Variants in ACVR2B observed in about 807,000 individuals in gnomAD.
ACVR2B encodes the protein activin A receptor type 2B.
A neutral mutation model predicts 65.1 loss-of-function variants in ACVR2B; 18 were observed. That is an observed-to-expected ratio of 0.28 (90% CI 0.19 to 0.41). ACVR2B has a LOEUF of 0.41. Among genes scored for constraint, ACVR2B ranks in the 10% least tolerant of loss-of-function variants. The pLI is 1.00. For synonymous variants in ACVR2B, 298 were observed against 277.7 expected, an observed-to-expected ratio of 1.07 and a Z score of -0.73; for missense variants, 482 against 682.7, an observed-to-expected ratio of 0.71 and a Z score of 3.28.
chr3:38,479,085 A>G, intron 5 of ACVR2B, 43 bp from the exon 6 acceptor site: 1 of 1,612,956 alleles, frequency 6.2e-7, no homozygotes, highest in Non-Finnish European at 8.5e-7. Context: ...CAGCAGGGCT[A>G]AGCCAGCCAC....
intron 1 of ACVR2B, among the ~76,000 whole-genome samples, chr3:38,472,739 C>G (rs1361293765): frequency 1.3e-5 from 2 of 152,072 alleles, no homozygotes; most frequent in Non-Finnish European, 2.9e-5. Context: ...TCAGGGACTC[C>G]AGGGGAGGTG....
chr3:38,483,078 C>T lies in ACVR2B; in HGVS notation c.1345-60C>T. The stretch of plus-strand genomic sequence containing the variant: ...ATATCAAGTTTACTGTCCCCCAAAG[C>T]TTTTCCTCACTGAAGGGTCCTAACA... On this transcript the variant is annotated intron_variant, in intron 10 of 10. Coordinates refer to ENST00000352511, the MANE Select transcript of ACVR2B (RefSeq NM_001106.4). The surrounding 1 kb of genome is among the most constrained non-coding windows in gnomAD (Gnocchi z 4.8). The T allele has an allele frequency of 6.3e-7, 1 of 1,595,406 alleles. No homozygotes were observed. Among genetic ancestry groups the T allele is most frequent in the Non-Finnish European group, 8.6e-7 (1 of 1,163,638 alleles).
At chr3:38,480,926 G>C (rs1415275864) in intron 7 of ACVR2B, among the ~76,000 whole-genome samples, 2 of 152,150 alleles carry the variant, frequency 1.3e-5, no homozygotes, top group Non-Finnish European at 2.9e-5. Context: ...AGACCCTAAG[G>C]GGTCTCTGCA....
At chr3:38,473,918 G>A in intron 1 of ACVR2B, 1 of 152,370 alleles carries the variant, frequency 6.6e-6, no homozygotes, top group East Asian at 1.9e-4. Flanking sequence ...TCTTGCTCTT[G>A]TTGCCCAGGC....
In ACVR2B at chr3:38,488,769, C is replaced by T. The variant is rs1181533672; in HGVS notation, c.*5437C>T. The T allele has an allele frequency of 1.3e-5, 2 of 152,146 alleles. No individual in the cohort carries two copies. Among genetic ancestry groups the T allele is most frequent in the African/African-American group, 4.8e-5 (2 of 41,426 alleles). 9.4% of individuals were successfully genotyped at this position (152,146 alleles called of 1,614,324 possible). ...AGAGGTAACCGAAGTGATTTTTCCT[C>T]AGTAATTGAAACACATATTCTCTAA... is the stretch of plus-strand genomic sequence containing the variant. On this transcript the variant is annotated 3_prime_UTR_variant, in exon 11 of 11. Transcript: ENST00000352511.
intron 1 of ACVR2B, among the ~76,000 whole-genome samples, chr3:38,457,157 TC>T (rs1709563741): frequency 1.3e-5 from 2 of 152,260 alleles, no homozygotes; most frequent in South Asian, 2.1e-4. Context: ...TGAGCCGAGA[TC>T]ATGTCACTGC....
intron 1 of ACVR2B, among the ~76,000 whole-genome samples, chr3:38,465,397 C>CAAAAA (rs71085325): frequency 6.6e-5 from 6 of 90,278 alleles, no homozygotes; most frequent in Admixed American, 1.2e-4. Flanking sequence ...GATTCCATCT[C>CAAAAA]AAAAAAAAAA....
intron 1 of ACVR2B, among the ~76,000 whole-genome samples, chr3:38,471,875 TAA>T: frequency 6.6e-6 from 1 of 152,312 alleles, no homozygotes; most frequent in Non-Finnish European, 1.5e-5. Context: ...GTGAGCTGTA[TAA>T]GTGTTAAATT....
rs1409805657 is a variant in ACVR2B, at chr3:38,483,219, G to A, written c.1426G>A (p.Glu476Lys). 1 of 1,614,144 alleles carries A rather than the reference G, an allele frequency of 6.2e-7. No individual in the cohort carries two copies. ...TCGCTTGTCCGCGGGCTGTGTGGAG[G>A]AGCGGGTGTCCCTGATTCGGAGGTC... Reference protein sequence around the residue: ...EARLSAGCVEERVSLIRRSVN... With the variant: ...EARLSAGCVEKRVSLIRRSVN... The change falls in exon 11 of 11, where the codon GAG becomes AAG. Residue 476 changes from glutamate to lysine, a missense_variant. Glu to Lys is a moderately conservative substitution (Grantham distance 56). This residue lies in a region of ACVR2B where 223 missense variants were observed against 386.3 expected (regional missense o/e 0.58). Transcript: ENST00000352511. The surrounding 1 kb of genome is among the most constrained non-coding windows in gnomAD (Gnocchi z 4.8).
In ACVR2B at chr3:38,477,314, G is replaced by T; in HGVS notation, c.80G>T (p.Arg27Leu). ...AGSGRGEAET[R>L]ECIYYNANWE... The stretch of plus-strand genomic sequence containing the variant: ...TCTGGGCGTGGGGAGGCTGAGACAC[G>T]GGAGTGCATCTACTACAACGCCAAC... The change falls in exon 2 of 11, where the codon CGG (arginine) becomes CTG (leucine). Residue 27 changes from arginine to leucine, a missense_variant. Coordinates refer to ENST00000352511, the MANE Select transcript of ACVR2B (RefSeq NM_001106.4). The surrounding 1 kb of genome is among the most constrained non-coding windows in gnomAD (Gnocchi z 6.7). The T allele has an allele frequency of 6.2e-7, 1 of 1,614,146 alleles. No individual in the cohort carries two copies. Among genetic ancestry groups the T allele is most frequent in the Non-Finnish European group, 8.5e-7 (1 of 1,179,990 alleles).
intron 1 of ACVR2B, among the ~76,000 whole-genome samples, chr3:38,472,036 T>C (rs987318375): frequency 6.6e-6 from 1 of 152,178 alleles, no homozygotes; most frequent in African/African-American, 2.4e-5. Flanking sequence ...ATATTTTGGG[T>C]TTTTTTCTCC....
intron 1 of ACVR2B, among the ~76,000 whole-genome samples, chr3:38,455,691 C>G (rs1000489390): frequency 6.6e-6 from 1 of 152,188 alleles, no homozygotes; most frequent in Non-Finnish European, 1.5e-5. Context: ...ACCTGAGTAC[C>G]GTATGGAAGA....
At chr3:38,456,008 C>T (rs541806) in intron 1 of ACVR2B, among the ~76,000 whole-genome samples, 3 of 152,138 alleles carry the variant, frequency 2.0e-5, no homozygotes, top group African/African-American at 7.2e-5. Context: ...GACCTGGGAT[C>T]TGGGGATCAC....
intron 1 of ACVR2B, among the ~76,000 whole-genome samples, chr3:38,471,617 G>C (rs980347894): frequency 6.6e-5 from 10 of 152,276 alleles, no homozygotes; most frequent in Middle Eastern, 6.8e-3. Context: ...GTTATGTGAG[G>C]TTATAAGCTT....
intron 1 of ACVR2B, among the ~76,000 whole-genome samples, chr3:38,472,303 A>C (rs1435822263): frequency 6.6e-6 from 1 of 152,032 alleles, no homozygotes; most frequent in Non-Finnish European, 1.5e-5. Flanking sequence ...GGGACCTGCT[A>C]GGGCTATAAA....
At position 38,485,000 on chromosome 3, in the gene ACVR2B, C is replaced by T. The variant is rs1710090185; in HGVS notation, c.*1668C>T. 1 of 152,520 alleles carries T rather than the reference C, an allele frequency of 6.6e-6. No homozygotes were observed. Among genetic ancestry groups the T allele is most frequent in the Non-Finnish European group, 1.5e-5 (1 of 68,044 alleles). The allele number at this position is 152,520 out of a possible 1,614,324, so 9.4% of individuals were successfully genotyped here. Reference sequence around the variant, plus strand: ...ATAATTGTCATCAACTGTAGGTTGGCTGTCTGGGCCAAGTCTGGGCATTTA... The same window carrying T: ...ATAATTGTCATCAACTGTAGGTTGGTTGTCTGGGCCAAGTCTGGGCATTTA... On this transcript the variant is annotated 3_prime_UTR_variant, in exon 11 of 11. Transcript: ENST00000352511.
rs751815691 is a variant in ACVR2B, at chr3:38,479,719, G to C, written c.852G>C (p.Trp284Cys). ...ACCTCAAGGGGAACATCATCACATG[G>C]AACGAACTGTGTCATGTAGCAGAGA... ...TDYLKGNIIT[W>C]NELCHVAETM... Residue 284 changes from tryptophan to cysteine, a missense_variant, in exon 7 of 11, where the codon TGG becomes TGC. Physicochemically the swap from Trp to Cys is radical, Grantham distance 215 (BLOSUM62 -2). Around this residue, in one of 5 missense-constraint regions of ACVR2B, gnomAD observed 223 missense variants for 386.3 expected, o/e 0.58. Coordinates refer to ENST00000352511, the MANE Select transcript of ACVR2B (RefSeq NM_001106.4). The C allele has an allele frequency of 1.9e-6, 3 of 1,614,216 alleles. No homozygotes were observed. The highest frequency in any genetic ancestry group is 2.5e-6 in the Non-Finnish European group (3 of 1,180,034).
chr3:38,467,623 C>G (rs1401690668), intron 1 of ACVR2B, among the ~76,000 whole-genome samples: 1 of 151,566 alleles, frequency 6.6e-6, no homozygotes, highest in Non-Finnish European at 1.5e-5. Context: ...GGTGGCATTG[C>G]ACCTGTAAGT....
At position 38,492,294 on chromosome 3, in the gene ACVR2B, A is replaced by G. The variant is rs1213727033; in HGVS notation, c.*8962A>G. 1 of 152,608 alleles carries G rather than the reference A, an allele frequency of 6.6e-6. No individual in the cohort carries two copies. Among genetic ancestry groups the G allele is most frequent in the Non-Finnish European group, 1.5e-5 (1 of 68,028 alleles). The allele number at this position is 152,608 out of a possible 1,614,324, so 9.5% of individuals were successfully genotyped here. ...GGAGAATGTGTGTGTTGGGCTTAGG[A>G]TGGATAGCTAAGTCTTATTGAGCTG... On this transcript the variant is annotated 3_prime_UTR_variant, in exon 11 of 11. Transcript: ENST00000352511.
Sources: allele counts gnomAD v4.1 joint callset (sites outside exome capture counted in the v4.1 genomes callset), GRCh38; gene constraint gnomAD v4.1.1; regional missense constraint gnomAD v4.1.1; non-coding constraint Gnocchi (gnomAD v3.1); transcripts MANE v1.5; gene names NCBI Gene and HGNC (gene_info 2026-07-23, HGNC 2026-07-21).